CHMP7: variants seen among roughly 807,000 people sequenced by gnomAD.
The protein encoded by CHMP7 is CHMP family, member 7.
In CHMP7, 15 loss-of-function variants were observed where a neutral mutation model predicts 53.7. The ratio of observed to expected loss-of-function variants is 0.28; its 90% CI spans 0.19 to 0.43. The LOEUF is 0.43. Ranked by LOEUF, CHMP7 falls within the 20% of genes least tolerant of loss-of-function variation. The pLI, the probability that CHMP7 is intolerant of heterozygous loss-of-function variation, is 1.00. For missense variants in CHMP7, 527 were observed against 569.4 expected (o/e 0.93, Z 0.76); for synonymous variants, 261 against 228.0 (o/e 1.14, Z -1.30).
At chr8:23,248,027 G>T (rs1801778617) in intron 2 of CHMP7, 2 of 455,632 alleles carry the variant, frequency 4.4e-6, no homozygotes, top group African/African-American at 2.0e-5. Flanking sequence ...GCCCAGGATG[G>T]TCTCGAACTC....
chr8:23,246,958 C>G lies in CHMP7; in HGVS notation c.263C>G (p.Pro88Arg). The G allele has an allele frequency of 6.5e-7, 1 of 1,547,654 alleles. No homozygotes were observed. The highest frequency in any genetic ancestry group is 8.7e-7 in the Non-Finnish European group (1 of 1,149,760). The change falls in exon 2 of 11, where the codon CCG becomes CGG. Residue 88 changes from proline to arginine, a missense_variant. Coordinates refer to ENST00000397677, the MANE Select transcript of CHMP7 (RefSeq NM_152272.5). ...GCCTTTCAGCGCAAGGGGAGCGTCC[C>G]GCTGGGGCTGGCCACGGTGCTGCAG... ...QEAFQRKGSV[P>R]LGLATVLQDL...
intron 5 of CHMP7, 38 bp downstream of exon 5, chr8:23,256,631 T>C: frequency 6.3e-7 from 1 of 1,596,486 alleles, no homozygotes; most frequent in South Asian, 1.1e-5. Flanking sequence ...CTCCCCACTG[T>C]TGCTGGCCCC....
chr8:23,253,578 C>T (rs1191950442), intron 3 of CHMP7, among the ~76,000 whole-genome samples: 3 of 152,190 alleles, frequency 2.0e-5, no homozygotes, highest in Non-Finnish European at 4.4e-5. Flanking sequence ...TGAGGCACAC[C>T]GTGCCTGGCT....
Position 23,246,694 on chromosome 8 carries a change from C to G in CHMP7, c.-2C>G. ...CGCAGCCTTGCCGGGGCTGGGGTTC[C>G]GATGTGGTCCCCGGAGCGGGAGGCC... is the stretch of plus-strand genomic sequence containing the variant. On this transcript the variant is annotated 5_prime_UTR_variant, in exon 2 of 11. Transcript: ENST00000397677. The G allele has an allele frequency of 6.5e-7, 1 of 1,547,498 alleles. No individual in the cohort carries two copies. The highest frequency in any genetic ancestry group is 2.4e-5 in the East Asian group (1 of 40,880).
At chr8:23,255,876 C>G (rs1162239555) in intron 4 of CHMP7, among the ~76,000 whole-genome samples, 3 of 151,974 alleles carry the variant, frequency 2.0e-5, no homozygotes, top group Non-Finnish European at 1.5e-5. Context: ...ATTCTTCTGC[C>G]TCAGCCTCCC....
At chr8:23,249,079 A>T in intron 2 of CHMP7, 131 bp from the exon 3 acceptor site, 1 of 655,892 alleles carries the variant, frequency 1.5e-6, no homozygotes, top group East Asian at 3.0e-5. Flanking sequence ...TCGTTGGCAC[A>T]GCGTAGGTGC....
chr8:23,249,065 C>T (rs1801820270), intron 2 of CHMP7, 145 bp from the exon 3 acceptor site: 5 of 541,072 alleles, frequency 9.2e-6, no homozygotes, highest in African/African-American at 3.9e-5. Flanking sequence ...AACAATGCTG[C>T]GTGTCGTTGG....
In CHMP7 at chr8:23,255,513, T is replaced by C. The variant is rs1386870057; in HGVS notation, c.657+81T>C. On this transcript the variant is annotated intron_variant, in intron 4 of 10. Coordinates refer to ENST00000397677, the MANE Select transcript of CHMP7 (RefSeq NM_152272.5). ...GAGTAGTGAGCCCTTATCTCAGATTTTGGTTTCCAGAGTTTCAGTAACCTG... is the reference window on the plus strand; with the variant it reads ...GAGTAGTGAGCCCTTATCTCAGATTCTGGTTTCCAGAGTTTCAGTAACCTG... 1.1e-5 allele frequency: 16 copies of C among 1,444,330 alleles called. No homozygotes were observed. In the Admixed American group the frequency reaches 1.8e-4, roughly 16 times the overall value. 89.5% of individuals were successfully genotyped at this position (1,444,330 alleles called of 1,614,324 possible).
At chr8:23,260,482 GCCTTCA>G in intron 10 of CHMP7, 50 bp from the exon 11 acceptor site, 2 of 1,545,526 alleles carry the variant, frequency 1.3e-6, no homozygotes, top group Non-Finnish European at 1.8e-6. Context: ...TCACTGGAAT[GCCTTCA>G]TCTTCAAGAT....
At chr8:23,260,096 C>G in intron 9 of CHMP7, 48 bp from the exon 10 acceptor site, 1 of 1,506,030 alleles carries the variant, frequency 6.6e-7, no homozygotes, top group African/African-American at 1.4e-5. Context: ...CTCATTAATG[C>G]ATTTCTCCCT....
chr8:23,259,051 A>G lies in CHMP7; in HGVS notation c.1060-15A>G. 1 of 1,586,168 alleles carries G rather than the reference A, an allele frequency of 6.3e-7. No individual in the cohort carries two copies. The highest frequency in any genetic ancestry group is 8.7e-7 in the Non-Finnish European group (1 of 1,154,838). On this transcript the variant is annotated splice_polypyrimidine_tract_variant and intron_variant, in intron 8 of 10. Coordinates refer to ENST00000397677, the MANE Select transcript of CHMP7 (RefSeq NM_152272.5). ...CACCATGCCCAGCTCAAGGCTTTGCACTTGTCTCTTACAGCTCTGTGACAC... is the reference window on the plus strand; with the variant it reads ...CACCATGCCCAGCTCAAGGCTTTGCGCTTGTCTCTTACAGCTCTGTGACAC...
chr8:23,260,420 C>T, intron 10 of CHMP7, 97 bp downstream of exon 10: 1 of 1,537,396 alleles, frequency 6.5e-7, no homozygotes, highest in South Asian at 1.1e-5. Context: ...GCCAGAGTAC[C>T]AGAGCCCTGT....
rs1220598088 is a variant in CHMP7 at position 23,259,105 on chromosome 8, G to T, written c.1099G>T (p.Gly367Cys). The change falls in exon 9 of 11, where the codon GGT becomes TGT. Residue 367 changes from glycine to cysteine, a missense_variant. Coordinates refer to ENST00000397677, the MANE Select transcript of CHMP7 (RefSeq NM_152272.5). ...GGATGAAGTTTCTCAGACTCTGGCT[G>T]GTGGGGTAACAAATGGCTTAGGTGA... is the stretch of plus-strand genomic sequence containing the variant. ...TQDEVSQTLA[G>C]GVTNGLDFDS... is the part of the protein sequence containing the mutation. 2 of 1,603,914 alleles carry T rather than the reference G, an allele frequency of 1.2e-6. No homozygotes were observed. Among genetic ancestry groups the T allele is most frequent in the East Asian group, 4.5e-5 (2 of 44,814 alleles).
chr8:23,256,565 G>A lies in CHMP7; in HGVS notation c.763G>A (p.Val255Met), dbSNP rs769501799. 1.9e-6 allele frequency: 3 copies of A among 1,613,936 alleles called. No individual in the cohort carries two copies. Among genetic ancestry groups the A allele is most frequent in the African/African-American group, 1.3e-5 (1 of 74,908 alleles). ...MQSEQLLSRK[V>M]ESLSQEAERC... Reference sequence around the variant, plus strand: ...GAGTGAACAGCTTCTCTCACGCAAAGTGGAGTCCTTATCCCAGGAAGCAGA... The same window carrying A: ...GAGTGAACAGCTTCTCTCACGCAAAATGGAGTCCTTATCCCAGGAAGCAGA... Residue 255 changes from valine (V) to methionine (M), a missense_variant, in exon 5 of 11, where the codon GTG becomes ATG. Physicochemically the swap from Val to Met is conservative, Grantham distance 21. Coordinates refer to ENST00000397677, the MANE Select transcript of CHMP7 (RefSeq NM_152272.5).
intron 2 of CHMP7, chr8:23,248,220 A>G (rs1563401661): frequency 2.2e-6 from 1 of 456,192 alleles, no homozygotes; most frequent in East Asian, 7.0e-5. Context: ...AGGGACCAGA[A>G]TGGGCCTCCT....
chr8:23,252,778 T>TA (rs1253138668), intron 3 of CHMP7, among the ~76,000 whole-genome samples: 1 of 152,230 alleles, frequency 6.6e-6, no homozygotes, highest in Non-Finnish European at 1.5e-5. Flanking sequence ...CAATACTTAT[T>TA]TTTGTGTATG....
rs1469261873 is a variant in CHMP7, at chr8:23,249,206, G to C, written c.300-4G>C. On this transcript the variant is annotated splice_polypyrimidine_tract_variant and splice_region_variant and intron_variant, in intron 2 of 10. Coordinates refer to ENST00000397677, the MANE Select transcript of CHMP7 (RefSeq NM_152272.5). ...CTACACGCCCTTCTTTTTCTTCCCTGCAGTCGAGGGGAGCTGCAGCGGGAG... is the reference window on the plus strand; with the variant it reads ...CTACACGCCCTTCTTTTTCTTCCCTCCAGTCGAGGGGAGCTGCAGCGGGAG... 5 of 1,570,324 alleles carry C rather than the reference G, an allele frequency of 3.2e-6. No individual in the cohort carries two copies. Among genetic ancestry groups the C allele is most frequent in the Non-Finnish European group, 4.3e-6 (5 of 1,161,164 alleles).
Position 23,260,074 on chromosome 8 carries a change from C to T in CHMP7, c.1121-70C>T, listed in dbSNP as rs879056681. On this transcript the variant is annotated intron_variant, in intron 9 of 10. Transcript: ENST00000397677. Reference sequence around the variant, plus strand: ...GTAAAGCTAAGCGGGTTTTGGTAACCTCAGTCCTGTACTCATTAATGCATT... The same window carrying T: ...GTAAAGCTAAGCGGGTTTTGGTAACTTCAGTCCTGTACTCATTAATGCATT... The T allele has an allele frequency of 1.3e-5, 18 of 1,345,782 alleles. 1 individual carries two copies. The South Asian group carries it at 2.1e-4, about 16-fold the overall frequency. 83.4% of individuals were successfully genotyped at this position (1,345,782 alleles called of 1,614,324 possible).
intron 3 of CHMP7, among the ~76,000 whole-genome samples, chr8:23,253,286 T>C (rs117154119): frequency 1.3e-5 from 2 of 152,296 alleles, no homozygotes; most frequent in East Asian, 1.9e-4. Flanking sequence ...AGACATCTTA[T>C]TTATGTATTT....
Sources: allele counts gnomAD v4.1 joint callset (sites outside exome capture counted in the v4.1 genomes callset), GRCh38; gene constraint gnomAD v4.1.1; transcripts MANE v1.5; gene names NCBI Gene and HGNC (gene_info 2026-07-23, HGNC 2026-07-21).